Variants in COL9A1 observed in about 807,000 individuals in gnomAD.
The protein encoded by COL9A1 is collagen type IX alpha 1 chain, also known as collagen alpha-1(IX) chain.
COL9A1 carries 104 observed loss-of-function variants against 142.6 expected under a neutral mutation model. The ratio of observed to expected loss-of-function variants is 0.73; its 90% CI spans 0.62 to 0.86. The LOEUF (loss-of-function observed/expected upper bound fraction) is 0.86, where lower values mean the gene tolerates loss of function less well. Among genes scored for constraint, COL9A1 ranks in the 40% least tolerant of loss-of-function variants. The pLI, the probability that COL9A1 is intolerant of heterozygous loss-of-function variation, is 0.00. For missense variants in COL9A1, 1,210 were observed against 1,176.6 expected, an observed-to-expected ratio of 1.03 and a Z score of -0.42; for synonymous variants, 466 against 396.0, an observed-to-expected ratio of 1.18 and a Z score of -2.10.
At chr6:70,286,269 T>C (rs1475931038) in intron 5 of COL9A1, among the ~76,000 whole-genome samples, 1 of 152,200 alleles carries the variant, frequency 6.6e-6, no homozygotes, top group Non-Finnish European at 1.5e-5. Context: ...ACAATACATT[T>C]AAGCAAGGAA....
At chr6:70,232,536 C>G in intron 36 of COL9A1, 47 bp downstream of exon 36, 1 of 1,593,454 alleles carries the variant, frequency 6.3e-7, no homozygotes, top group Non-Finnish European at 8.6e-7. Flanking sequence ...GATTATACAT[C>G]TGAAAAAGGT....
At chr6:70,215,975 C>G (rs1196974759), downstream of COL9A1, 1 of 151,918 alleles carries the variant, frequency 6.6e-6, no homozygotes, top group Non-Finnish European at 1.5e-5. Context: ...CTCTGTGGAA[C>G]AGCTTTTTAA....
At chr6:70,237,234 GA>G (rs1314345041) in intron 33 of COL9A1, among the ~76,000 whole-genome samples, 4 of 152,206 alleles carry the variant, frequency 2.6e-5, no homozygotes, top group Non-Finnish European at 2.9e-5. Context: ...TGCTGATAAT[GA>G]CTGAAATACT....
chr6:70,271,950 G>T (rs886403021), intron 13 of COL9A1, 115 bp downstream of exon 13: 1 of 1,100,778 alleles, frequency 9.1e-7, no homozygotes, highest in Non-Finnish European at 1.4e-6. Context: ...AGATCTTGCA[G>T]GTAGAACACT....
chr6:70,233,617 A>C (rs1769698128), intron 35 of COL9A1, among the ~76,000 whole-genome samples: 1 of 152,236 alleles, frequency 6.6e-6, no homozygotes, highest in Non-Finnish European at 1.5e-5. Flanking sequence ...AGTATTTTAA[A>C]TTTGCTTATA....
chr6:70,289,508 G>A (rs1335820637), intron 5 of COL9A1, among the ~76,000 whole-genome samples: 1 of 152,116 alleles, frequency 6.6e-6, no homozygotes, highest in African/African-American at 2.4e-5. Context: ...AGCTGAGGTT[G>A]TTAATGTGGT....
At chr6:70,229,049 CTTGT>C (rs1769391941) in intron 36 of COL9A1, among the ~76,000 whole-genome samples, 3 of 152,222 alleles carry the variant, frequency 2.0e-5, no homozygotes, top group Admixed American at 2.0e-4. Context: ...AAAAGCTAAA[CTTGT>C]TTGTACATTC....
chr6:70,290,538 C>T (rs1395443744), intron 5 of COL9A1, among the ~76,000 whole-genome samples: 2 of 152,016 alleles, frequency 1.3e-5, no homozygotes, highest in Non-Finnish European at 2.9e-5. Context: ...CCTATGAAAA[C>T]CCTTTGAAAT....
intron 11 of COL9A1, 133 bp from the exon 12 acceptor site, chr6:70,274,215 T>C (rs1387788864): frequency 2.2e-5 from 13 of 604,628 alleles, no homozygotes; most frequent in Non-Finnish European, 2.2e-5. Flanking sequence ...CAACTTTTAT[T>C]TTAAGTTCAG....
chr6:70,282,723 A>T (rs1242109166), intron 7 of COL9A1, among the ~76,000 whole-genome samples, 175 bp downstream of exon 7: 1 of 152,164 alleles, frequency 6.6e-6, no homozygotes, highest in Non-Finnish European at 1.5e-5. Flanking sequence ...CCAAGGGGTC[A>T]TCTACGGCTC....
At chr6:70,252,406 G>A in intron 26 of COL9A1, 91 bp from the exon 27 acceptor site, 1 of 1,113,170 alleles carries the variant, frequency 9.0e-7, no homozygotes, top group Non-Finnish European at 1.4e-6. Flanking sequence ...TCTTACATTT[G>A]AATAGCATTA....
At chr6:70,254,757 T>C in intron 24 of COL9A1, 1 of 683,536 alleles carries the variant, frequency 1.5e-6, no homozygotes. Context: ...AACAGGGCAA[T>C]TTTACTGAGT....
At chr6:70,218,060 T>C (rs894460731) in intron 37 of COL9A1, among the ~76,000 whole-genome samples, 1 of 152,114 alleles carries the variant, frequency 6.6e-6, no homozygotes, top group Non-Finnish European at 1.5e-5. Context: ...GGAGAATTAC[T>C]TGCACCCGGG....
In COL9A1 at chr6:70,241,956, G is replaced by A. The variant is rs1770284593; in HGVS notation, c.1998+8C>T. 1 of 1,586,770 alleles carries A rather than the reference G, an allele frequency of 6.3e-7. No individual in the cohort carries two copies. The highest frequency in any genetic ancestry group is 1.3e-5 in the African/African-American group (1 of 74,158). On this transcript the variant is annotated splice_region_variant and intron_variant, in intron 30 of 37. Coordinates refer to ENST00000357250, the MANE Select transcript of COL9A1 (RefSeq NM_001851.6). ...ATAAAGAACCTTCTGGAGTGCTGGAGCTCTTACCCTGTCACCTTTCATTCC... is the reference window on the plus strand; with the variant it reads ...ATAAAGAACCTTCTGGAGTGCTGGAACTCTTACCCTGTCACCTTTCATTCC...
chr6:70,219,316 C>T (rs2127546382), intron 37 of COL9A1, among the ~76,000 whole-genome samples: 1 of 152,174 alleles, frequency 6.6e-6, no homozygotes, highest in Non-Finnish European at 1.5e-5. Flanking sequence ...CTGGGATGGT[C>T]ATTGAGATCA....
At chr6:70,217,801 A>C (rs1768620287) in intron 37 of COL9A1, among the ~76,000 whole-genome samples, 1 of 152,206 alleles carries the variant, frequency 6.6e-6, no homozygotes, top group African/African-American at 2.4e-5. Flanking sequence ...GCAAGTCACT[A>C]ATCTCTCAGT....
Position 70,216,543 on chromosome 6 carries a change from T to G in COL9A1, c.*354A>C. Reference sequence around the variant, plus strand: ...GCAACTGAGGTAAACCAAACAGTTGTTTTTGTTTATTGGCACAGTGGCCCA... The same window carrying G: ...GCAACTGAGGTAAACCAAACAGTTGGTTTTGTTTATTGGCACAGTGGCCCA... On this transcript the variant is annotated 3_prime_UTR_variant, in exon 38 of 38. Coordinates refer to ENST00000357250, the MANE Select transcript of COL9A1 (RefSeq NM_001851.6). The G allele has an allele frequency of 4.0e-6, 1 of 249,008 alleles. No homozygotes were observed. The highest frequency in any genetic ancestry group is 5.0e-5 in the Admixed American group (1 of 19,924). The allele number at this position is 249,008 out of a possible 1,614,324, so 15.4% of individuals were successfully genotyped here. A position where few individuals can be genotyped will look rare whatever the true frequency, so the allele number is the denominator to read the frequency against.
chr6:70,249,503 G>A (rs576093328), intron 28 of COL9A1, among the ~76,000 whole-genome samples: 1 of 152,180 alleles, frequency 6.6e-6, no homozygotes, highest in Admixed American at 6.5e-5. Context: ...CAAGCAGTAG[G>A]TGATGACCTG....
chr6:70,279,491 C>T (rs1030016285), intron 10 of COL9A1: 1 of 151,966 alleles, frequency 6.6e-6, no homozygotes, highest in African/African-American at 2.4e-5. Context: ...AAATACAAAA[C>T]TTAGCAGGGC....
Sources: gnomAD v4.1 joint callset for allele counts (sites outside exome capture counted in the v4.1 genomes callset) on GRCh38, gnomAD v4.1.1 for gene constraint, MANE v1.5 for transcripts, NCBI Gene and HGNC (gene_info 2026-07-23, HGNC 2026-07-21) for gene names.